RARB: variants seen among roughly 807,000 people sequenced by gnomAD.
RARB encodes the protein HBV-activated protein.
RARB carries 17 observed loss-of-function variants against 51.9 expected under a neutral mutation model. That is an observed-to-expected ratio of 0.33 (90% CI 0.22 to 0.49). The LOEUF is 0.49. Ranked by LOEUF, RARB falls within the 20% of genes least tolerant of loss-of-function variation. The pLI is 0.99. For missense variants in RARB, 369 were observed against 550.8 expected (o/e 0.67, Z 3.30); for synonymous variants, 215 against 195.4 (o/e 1.10, Z -0.84).
chr3:25,043,933 A>G (rs1380590844), intron 2 of RARB, among the ~76,000 whole-genome samples: 2 of 152,128 alleles, frequency 1.3e-5, no homozygotes, highest in Admixed American at 6.5e-5. Flanking sequence ...AGTACCTCTC[A>G]ATGGTTTTAA....
At chr3:25,257,059 A>C (rs535565525) in intron 5 of RARB, among the ~76,000 whole-genome samples, 10 of 152,280 alleles carry the variant, frequency 6.6e-5, no homozygotes, top group Admixed American at 5.2e-4. Flanking sequence ...AAGCTCATCA[A>C]TGTAGAGTTA....
chr3:25,300,251 A>T (rs1463954944), intron 5 of RARB, among the ~76,000 whole-genome samples: 1 of 152,216 alleles, frequency 6.6e-6, no homozygotes, highest in Non-Finnish European at 1.5e-5. Context: ...TTCAGCACTG[A>T]TGCATAACTC....
At chr3:25,471,328 G>C (rs1349500498) in intron 2 of RARB, among the ~76,000 whole-genome samples, 1 of 152,158 alleles carries the variant, frequency 6.6e-6, no homozygotes, top group Admixed American at 6.5e-5. Flanking sequence ...AGAGTACTGA[G>C]GGCTGTTAGT....
At chr3:24,881,154 A>G (rs1703151775) in intron 2 of RARB, among the ~76,000 whole-genome samples, 1 of 152,184 alleles carries the variant, frequency 6.6e-6, no homozygotes, top group Non-Finnish European at 1.5e-5. Context: ...GCTGCCATGT[A>G]AGATGTGCCT....
At chr3:25,188,836 A>G (rs1303185515) in intron 5 of RARB, among the ~76,000 whole-genome samples, 1 of 152,164 alleles carries the variant, frequency 6.6e-6, no homozygotes, top group African/African-American at 2.4e-5. Flanking sequence ...TTTTATGACC[A>G]CTTGTGAAAA....
intron 5 of RARB, among the ~76,000 whole-genome samples, chr3:25,313,019 C>G (rs1464990342): frequency 6.6e-6 from 1 of 152,204 alleles, no homozygotes; most frequent in Non-Finnish European, 1.5e-5. Context: ...CTGGCTCTAT[C>G]CACTTCTAGC....
chr3:25,006,633 G>A (rs899233600), intron 2 of RARB, among the ~76,000 whole-genome samples: 2 of 152,108 alleles, frequency 1.3e-5, no homozygotes, highest in African/African-American at 4.8e-5. Context: ...TAATCATAAA[G>A]ACTTCAGTGT....
chr3:25,131,047 ATATT>A (rs1030354869), intron 3 of RARB, among the ~76,000 whole-genome samples: 11 of 150,594 alleles, frequency 7.3e-5, no homozygotes, highest in African/African-American at 2.5e-4. Context: ...GATCTTATCA[ATATT>A]TATTATTATT....
intron 2 of RARB, among the ~76,000 whole-genome samples, chr3:25,494,253 G>GCACGCGCGCGTACTCACACACACA (rs1553623182): frequency 7.6e-6 from 1 of 131,852 alleles, no homozygotes; most frequent in African/African-American, 2.6e-5. Flanking sequence ...TGTATCTTAC[G>GCACGCGCGCGTACTCACACACACA]CACACACACA....
intron 4 of RARB, among the ~76,000 whole-genome samples, chr3:25,155,325 A>G (rs1482392752): frequency 1.3e-5 from 2 of 152,098 alleles, no homozygotes; most frequent in South Asian, 2.1e-4. Flanking sequence ...TTTGCATTGC[A>G]TTGCTATTAT....
intron 5 of RARB, among the ~76,000 whole-genome samples, chr3:25,417,187 G>GA (rs1188790188): frequency 7.6e-6 from 1 of 132,268 alleles, no homozygotes; most frequent in Admixed American, 8.3e-5. Flanking sequence ...ATGCCACATC[G>GA]AAAAACCAAT....
chr3:25,216,872 G>A (rs1343015482), intron 5 of RARB, among the ~76,000 whole-genome samples: 2 of 151,804 alleles, frequency 1.3e-5, no homozygotes, highest in Non-Finnish European at 2.9e-5. Flanking sequence ...ATCATCTCTT[G>A]TTTCCCTTGG....
At chr3:24,886,065 A>C (rs1293475951) in intron 2 of RARB, among the ~76,000 whole-genome samples, 1 of 152,106 alleles carries the variant, frequency 6.6e-6, no homozygotes, top group East Asian at 1.9e-4. Context: ...TTCTGACTTT[A>C]TTTACAGCTT....
chr3:24,955,675 C>T (rs1695998827), intron 2 of RARB, among the ~76,000 whole-genome samples: 1 of 152,068 alleles, frequency 6.6e-6, no homozygotes, highest in South Asian at 2.1e-4. Flanking sequence ...TGTGCGCAAG[C>T]TTATATGCCC....
Position 24,837,008 on chromosome 3 carries a change from TG to T in RARB, c.-459+7608del, listed in dbSNP as rs766578076. ...CAGCCCCTTGGGGCTGACGTTCTGT[TG>T]GGAGACATATATCACAATAAATTAG... On this transcript the variant is annotated intron_variant, in intron 1 of 11. Transcript: ENST00000383772. Among the ~76,000 whole-genome samples, 6 of 152,322 alleles carry T rather than the reference TG, an allele frequency of 3.9e-5. No individual in the cohort carries two copies. In the East Asian group the frequency reaches 9.6e-4, roughly 24 times the overall value.
chr3:25,551,181 G>A (rs1448054834), intron 3 of RARB, among the ~76,000 whole-genome samples: 2 of 152,160 alleles, frequency 1.3e-5, no homozygotes, highest in Middle Eastern at 3.2e-3. Context: ...GGGACCTATG[G>A]TTACCTGAGC....
chr3:25,554,960 A>G (rs1699997780), intron 3 of RARB, among the ~76,000 whole-genome samples: 1 of 152,182 alleles, frequency 6.6e-6, no homozygotes, highest in African/African-American at 2.4e-5. Context: ...CCATTAATTC[A>G]TAAATAAGTT....
Position 25,260,725 on chromosome 3 carries a change from A to C in RARB, c.178+86150A>C, listed in dbSNP as rs143184531. ...TGTTCAGTTGAAGATTAACTTTGCT[A>C]ATCTCAATATTCATACCACTTAATT... On this transcript the variant is annotated intron_variant, in intron 5 of 11. Coordinates refer to the RARB transcript ENST00000383772. Among the ~76,000 whole-genome samples the C allele has an allele frequency of 3.9e-3, 593 of 152,238 alleles. 2 individuals carry two copies. Among genetic ancestry groups the C allele is most frequent in the Middle Eastern group, 0.014 (4 of 294 alleles).
intron 5 of RARB, among the ~76,000 whole-genome samples, chr3:25,262,273 C>T (rs192233682): frequency 2.8e-4 from 42 of 152,260 alleles, no homozygotes; most frequent in East Asian, 1.9e-3. Context: ...CTCCCTCTAA[C>T]GTTCAGCCAT....
Sources: allele counts gnomAD v4.1 joint callset (sites outside exome capture counted in the v4.1 genomes callset), GRCh38; gene constraint gnomAD v4.1.1; transcripts MANE v1.5; gene names NCBI Gene and HGNC (gene_info 2026-07-23, HGNC 2026-07-21).